The following CHD5 variants were observed in gnomAD, a reference collection of about 807,000 sequenced individuals.
The protein encoded by CHD5 is ATP-dependent chromatin remodeler CHD5.
In CHD5, 69 loss-of-function variants were observed where a neutral mutation model predicts 230.3. The ratio of observed to expected loss-of-function variants is 0.30; its 90% CI spans 0.25 to 0.37. The LOEUF is 0.37. Among genes scored for constraint, CHD5 ranks in the 10% least tolerant of loss-of-function variants. CHD5 has a pLI of 1.00. For synonymous variants in CHD5, 1,064 were observed against 1,065.9 expected (o/e 1.00, Z 0.03); for missense variants, 1,827 against 2,622.8 (o/e 0.70, Z 6.63).
rs147562095 is a variant in CHD5 at position 6,135,582 on chromosome 1, T to A, written c.2697-179A>T. On this transcript the variant is annotated intron_variant, in intron 17 of 41. Coordinates refer to ENST00000262450, the MANE Select transcript of CHD5 (RefSeq NM_015557.3). ...GTCACCTCCACACATCACAGCCCTC[T>A]TTTCCTCAGCCACACTGGACACCTT... 3.2e-3 allele frequency among the ~76,000 whole-genome samples: 488 copies of A among 152,330 alleles called. 2 individuals carry two copies. The highest frequency in any genetic ancestry group is 0.011 in the African/African-American group (465 of 41,576).
intron 18 of CHD5, 57 bp downstream of exon 18, chr1:6,135,173 G>A: frequency 6.2e-7 from 1 of 1,601,392 alleles, no homozygotes; most frequent in East Asian, 2.2e-5. Context: ...CGACCCAGGA[G>A]ACCAGCCCAG....
rs144655934 is a variant in CHD5, at chr1:6,105,608, G to A, written c.*47-181C>T. 5.6e-3 allele frequency among the ~76,000 whole-genome samples: 858 copies of A among 152,308 alleles called. 8 individuals are homozygous for A. The highest frequency in any genetic ancestry group is 0.019 in the African/African-American group (791 of 41,564). On this transcript the variant is annotated intron_variant, in intron 41 of 41. Transcript: ENST00000262450. This position sits in a 1 kb window ranked among gnomAD's most constrained non-coding sequence, Gnocchi z 4.8. ...GGCCATGAGCTACACCCAGAGTGCCGAGAGCACCCAGGAAGCAGCAGTGGG... is the reference window on the plus strand; with the variant it reads ...GGCCATGAGCTACACCCAGAGTGCCAAGAGCACCCAGGAAGCAGCAGTGGG...
At chr1:6,163,806 A>G (rs1044998753) in intron 2 of CHD5, among the ~76,000 whole-genome samples, 1 of 152,230 alleles carries the variant, frequency 6.6e-6, no homozygotes, top group Admixed American at 6.5e-5. Flanking sequence ...TTTGAGGGCC[A>G]TCAAACCACA....
In CHD5 at chr1:6,121,936, T is replaced by C. The variant is rs1000215266; in HGVS notation, c.4700-363A>G. Among the ~76,000 whole-genome samples the C allele has an allele frequency of 1.2e-3, 180 of 152,310 alleles. No individual in the cohort carries two copies. Among genetic ancestry groups the C allele is most frequent in the Non-Finnish European group, 2.1e-3 (146 of 68,012 alleles). ...GCTTTCGGGCGGGCTGGCTGGTGTG[T>C]GCCTCTGGACAGGGGGTGAATTTCC... On this transcript the variant is annotated intron_variant, in intron 31 of 41. Coordinates refer to ENST00000262450, the MANE Select transcript of CHD5 (RefSeq NM_015557.3). This position sits in a 1 kb window ranked among gnomAD's most constrained non-coding sequence, Gnocchi z 4.5.
intron 13 of CHD5, among the ~76,000 whole-genome samples, chr1:6,143,171 G>C (rs751619399): frequency 1.1e-4 from 16 of 151,984 alleles, no homozygotes; most frequent in Non-Finnish European, 1.9e-4. Context: ...TCCTACCTCA[G>C]CCTCCCTAGT....
In CHD5 at chr1:6,131,828, C is replaced by T; in HGVS notation, c.3145-80G>A. On this transcript the variant is annotated intron_variant, in intron 20 of 41. Coordinates refer to ENST00000262450, the MANE Select transcript of CHD5 (RefSeq NM_015557.3). The surrounding 1 kb of genome is among the most constrained non-coding windows in gnomAD (Gnocchi z 5.0). ...CCATGGGCGGGGACCCCGCCACAGG[C>T]AGGGGAGGAGAGAGCTGCCTGCTAG... 1.2e-6 allele frequency: 1 copy of T among 837,544 alleles called. No individual in the cohort carries two copies. The highest frequency in any genetic ancestry group is 2.5e-5 in the East Asian group (1 of 40,532). 51.9% of individuals were successfully genotyped at this position (837,544 alleles called of 1,614,324 possible).
chr1:6,117,389 T>C (rs1295064373), intron 33 of CHD5, among the ~76,000 whole-genome samples: 1 of 152,154 alleles, frequency 6.6e-6, no homozygotes, highest in Non-Finnish European at 1.5e-5. Context: ...GTAAATCATA[T>C]ATCTGATGAG....
intron 6 of CHD5, among the ~76,000 whole-genome samples, chr1:6,151,881 C>G (rs1336655290): frequency 1.3e-5 from 2 of 152,108 alleles, no homozygotes; most frequent in African/African-American, 2.4e-5. Context: ...GAAAGGGGGG[C>G]CCCAAGGCTG....
chr1:6,121,525 G>A lies in CHD5; in HGVS notation c.4748C>T (p.Ala1583Val), dbSNP rs1436823071. ...TTCCAGGGGCTGCCTTGGCTTCTGT[G>A]CCCCGGGGTCTTTCTCATCCATGTA... The part of the protein sequence containing the change: ...LGYMDEKDPG[A>V]QKPRQPLEVQ... The change falls in exon 32 of 42, where the codon GCA (alanine) becomes GTA (valine). Residue 1583 changes from alanine to valine, a missense_variant. This residue lies in a region of CHD5 where 272 missense variants were observed against 263.2 expected (regional missense o/e 1.03). Transcript: ENST00000262450. This position sits in a 1 kb window ranked among gnomAD's most constrained non-coding sequence, Gnocchi z 4.5. 2.5e-6 allele frequency: 4 copies of A among 1,613,008 alleles called. No individual in the cohort carries two copies. In the East Asian group the frequency reaches 6.7e-5, roughly 27 times the overall value.
intron 33 of CHD5, among the ~76,000 whole-genome samples, chr1:6,114,864 A>C (rs933826404): frequency 1.3e-5 from 2 of 152,128 alleles, no homozygotes; most frequent in Non-Finnish European, 2.9e-5. Flanking sequence ...AAATACAAAA[A>C]TTAGGCAGGT....
chr1:6,125,788 A>G lies in CHD5; in HGVS notation c.4149T>C (p.Phe1383=), dbSNP rs767224307. 5 of 1,613,596 alleles carry G rather than the reference A, an allele frequency of 3.1e-6. No homozygotes were observed. Residue 1383 remains phenylalanine (F), a synonymous_variant, in exon 27 of 42, where the codon TTT becomes TTC. Coordinates refer to ENST00000262450, the MANE Select transcript of CHD5 (RefSeq NM_015557.3). The surrounding 1 kb of genome is among the most constrained non-coding windows in gnomAD (Gnocchi z 6.7). The part of the protein sequence containing the change: ...SIGSEDEDED[F]EERPEGQSGR... The stretch of plus-strand genomic sequence containing the variant: ...CACTCTGCCCTTCCGGCCTCTCTTC[A>G]AAGTCCTCATCCTCATCCTCAGAGC...
In CHD5 at chr1:6,142,084, C is replaced by G; in HGVS notation, c.2436+44G>C. 6.4e-7 allele frequency: 1 copy of G among 1,563,586 alleles called. No individual in the cohort carries two copies. Among genetic ancestry groups the G allele is most frequent in the Non-Finnish European group, 8.8e-7 (1 of 1,135,474 alleles). ...CGGCACCCGTGGTCCCTGAACTAGA[C>G]CGGGGGCCTTCCTACCGTCCTTCCA... On this transcript the variant is annotated intron_variant, in intron 15 of 41. Coordinates refer to ENST00000262450, the MANE Select transcript of CHD5 (RefSeq NM_015557.3). This position sits in a 1 kb window ranked among gnomAD's most constrained non-coding sequence, Gnocchi z 5.2.
In CHD5 at chr1:6,157,704, G is replaced by A. The variant is rs1021243900; in HGVS notation, c.387+1632C>T. On this transcript the variant is annotated intron_variant, in intron 3 of 41. Transcript: ENST00000262450. The stretch of plus-strand genomic sequence containing the variant: ...CCCCCTCTGTGGCTGACCTGCCCCC[G>A]TGGACACACATGGCCATTCCTGATG... 8.5e-5 allele frequency among the ~76,000 whole-genome samples: 13 copies of A among 152,298 alleles called. No individual in the cohort carries two copies. In the East Asian group the frequency reaches 1.4e-3, roughly 16 times the overall value.
At chr1:6,135,795 G>A (rs921536935) in intron 17 of CHD5, among the ~76,000 whole-genome samples, 8 of 152,062 alleles carry the variant, frequency 5.3e-5, no homozygotes, top group Non-Finnish European at 7.4e-5. Context: ...CAGATCACCC[G>A]TCGGGAGTTC....
rs766211193 is a variant in CHD5, at chr1:6,142,230, G to C, written c.2334C>G (p.Val778=). The C allele has an allele frequency of 6.2e-6, 10 of 1,614,056 alleles. 1 individual carries two copies. Among genetic ancestry groups the C allele is most frequent in the Middle Eastern group, 3.3e-4 (2 of 6,084 alleles). ...GGCTCTCCTTGTCCCCCGTGTAGGTGACCACGTAGAAGTCGGGCGCCCACA... is the reference window on the plus strand; with the variant it reads ...GGCTCTCCTTGTCCCCCGTGTAGGTCACCACGTAGAAGTCGGGCGCCCACA... The part of the protein sequence containing the change: ...FEMWAPDFYV[V]TYTGDKESRS... The change falls in exon 15 of 42, where the codon GTC becomes GTG. Residue 778 remains valine (V), a synonymous_variant. Transcript: ENST00000262450. The surrounding 1 kb of genome is among the most constrained non-coding windows in gnomAD (Gnocchi z 5.2).
Position 6,179,945 on chromosome 1 carries a change from C to T in CHD5, c.79G>A (p.Glu27Lys). The change falls in exon 1 of 42, where the codon GAA becomes AAA. Residue 27 changes from glutamate (E) to lysine (K), a missense_variant and splice_region_variant. This residue lies in a region of CHD5 where 113 missense variants were observed against 91.9 expected (regional missense o/e 1.23). Transcript: ENST00000262450. ...CCAGGCGCACCCGCGCCCCGCTCAC[C>T]TGACATCTCGTCCTCATTCTCCATC... Reference protein sequence around the residue: ...EEMENEDEMSEEEDGGLEAFD... With the variant: ...EEMENEDEMSKEEDGGLEAFD... 2 of 1,348,070 alleles carry T rather than the reference C, an allele frequency of 1.5e-6. No individual in the cohort carries two copies. Among genetic ancestry groups the T allele is most frequent in the Non-Finnish European group, 9.7e-7 (1 of 1,033,614 alleles). The allele number at this position is 1,348,070 out of a possible 1,614,324, so 83.5% of individuals were successfully genotyped here. A position where few individuals can be genotyped will look rare whatever the true frequency, so the allele number is the denominator to read the frequency against.
intron 38 of CHD5, 143 bp downstream of exon 38, chr1:6,109,652 T>C (rs1666253289): frequency 5.7e-6 from 4 of 706,408 alleles, no homozygotes; most frequent in African/African-American, 3.6e-5. Flanking sequence ...GACTGTTCCA[T>C]CTTGGCCCAG....
At chr1:6,132,754 T>C (rs1367678461) in intron 20 of CHD5, among the ~76,000 whole-genome samples, 1 of 152,242 alleles carries the variant, frequency 6.6e-6, no homozygotes, top group African/African-American at 2.4e-5. Context: ...TTCTATCCAA[T>C]TGTTCCTATT....
At chr1:6,174,768 T>C (rs1383377561) in intron 1 of CHD5, among the ~76,000 whole-genome samples, 2 of 150,362 alleles carry the variant, frequency 1.3e-5, no homozygotes, top group South Asian at 2.1e-4. Flanking sequence ...GGATGATGAA[T>C]TGATGGATAG....
Sources: gnomAD v4.1 joint callset for allele counts (sites outside exome capture counted in the v4.1 genomes callset) on GRCh38, gnomAD v4.1.1 for gene constraint, gnomAD v4.1.1 regional missense constraint, Gnocchi (gnomAD v3.1) non-coding constraint, MANE v1.5 for transcripts, NCBI Gene and HGNC (gene_info 2026-07-23, HGNC 2026-07-21) for gene names.